Variants in CFAP44 observed in about 807,000 individuals in gnomAD.
The protein encoded by CFAP44 is cilia and flagella associated protein 44.
In CFAP44, 134 loss-of-function variants were observed where a neutral mutation model predicts 216.2. That is an observed-to-expected ratio of 0.62 (90% confidence interval 0.54 to 0.72). The LOEUF is 0.72. Among genes scored for constraint, CFAP44 ranks in the 30% least tolerant of loss-of-function variants. CFAP44 has a pLI of 0.00. For missense variants in CFAP44, 2,035 were observed against 2,182.1 expected, an observed-to-expected ratio of 0.93 and a Z score of 1.34; for synonymous variants, 700 against 727.6, an observed-to-expected ratio of 0.96 and a Z score of 0.61.
intron 6 of CFAP44, among the ~76,000 whole-genome samples, chr3:113,411,730 G>A (rs1377021361): frequency 6.6e-6 from 1 of 152,114 alleles, no homozygotes; most frequent in Non-Finnish European, 1.5e-5. Flanking sequence ...AATTACCTTG[G>A]GCAGTATGGC....
chr3:113,394,634 A>G (rs1306238350), intron 15 of CFAP44, among the ~76,000 whole-genome samples: 2 of 152,098 alleles, frequency 1.3e-5, no homozygotes, highest in Admixed American at 6.5e-5. Context: ...GGGGTGTCCA[A>G]TCTTTTTGCT....
intron 22 of CFAP44, among the ~76,000 whole-genome samples, chr3:113,355,587 A>G (rs987255013): frequency 2.0e-5 from 3 of 152,190 alleles, no homozygotes; most frequent in Non-Finnish European, 4.4e-5. Context: ...TGAAGCTGGA[A>G]ACCATCATTC....
intron 3 of CFAP44, chr3:113,426,963 C>A: frequency 2.0e-6 from 1 of 497,778 alleles, no homozygotes. Flanking sequence ...TCTTAAAACC[C>A]AGAAGAATGA....
intron 6 of CFAP44, among the ~76,000 whole-genome samples, chr3:113,414,469 C>T (rs1052336058): frequency 2.0e-5 from 3 of 152,098 alleles, no homozygotes; most frequent in Admixed American, 2.0e-4. Context: ...CAACTTTTGC[C>T]CATTCAATAT....
chr3:113,306,455 T>A, intron 29 of CFAP44, 124 bp from the exon 30 acceptor site: 1 of 1,148,332 alleles, frequency 8.7e-7, no homozygotes, highest in Non-Finnish European at 1.2e-6. Context: ...AGCCAGCTTT[T>A]AAGACACTTA....
chr3:113,401,927 A>G (rs1315788550), intron 9 of CFAP44, among the ~76,000 whole-genome samples, 188 bp from the exon 10 acceptor site: 1 of 152,196 alleles, frequency 6.6e-6, no homozygotes, highest in Non-Finnish European at 1.5e-5. Context: ...GAACTGAGGT[A>G]TGATAAGCTA....
chr3:113,287,158 G>A lies in CFAP44; in HGVS notation c.*4399C>T, dbSNP rs1163976713. On this transcript the variant is annotated 3_prime_UTR_variant, in exon 35 of 35. Coordinates refer to ENST00000393845, the MANE Select transcript of CFAP44 (RefSeq NM_001164496.2). ...ACCTGGGGCCTCTGCAGTGGCAGGCGAGGCTGCAGGAGGCCCACAGATAAG... is the reference window on the plus strand; with the variant it reads ...ACCTGGGGCCTCTGCAGTGGCAGGCAAGGCTGCAGGAGGCCCACAGATAAG... The A allele has an allele frequency of 2.1e-5, 9 of 429,176 alleles. No homozygotes were observed. Among genetic ancestry groups the A allele is most frequent in the South Asian group, 1.0e-4 (6 of 57,790 alleles). The allele number at this position is 429,176 out of a possible 1,614,324, so 26.6% of individuals were successfully genotyped here.
chr3:113,387,481 T>C (rs549681480), intron 15 of CFAP44, among the ~76,000 whole-genome samples: 4 of 152,246 alleles, frequency 2.6e-5, no homozygotes, highest in African/African-American at 9.6e-5. Context: ...GACTCAATCC[T>C]GGCAGGATTC....
At position 113,288,481 on chromosome 3, in the gene CFAP44, A is replaced by G. The variant is rs752342860; in HGVS notation, c.*3076T>C. The G allele has an allele frequency of 6.6e-6, 1 of 152,234 alleles. No individual in the cohort carries two copies. The highest frequency in any genetic ancestry group is 6.5e-5 in the Admixed American group (1 of 15,278). 9.4% of individuals were successfully genotyped at this position (152,234 alleles called of 1,614,324 possible). A position where few individuals can be genotyped will look rare whatever the true frequency, so the allele number is the denominator to read the frequency against. On this transcript the variant is annotated 3_prime_UTR_variant, in exon 35 of 35. Transcript: ENST00000393845. ...AAAATAAGATACTGTGATTTCAGAC[A>G]ACCTGGCATCACGGCCCAGAGCTCA...
At chr3:113,431,345 C>A (rs1935100992) in intron 2 of CFAP44, among the ~76,000 whole-genome samples, 1 of 152,066 alleles carries the variant, frequency 6.6e-6, no homozygotes, top group Non-Finnish European at 1.5e-5. Flanking sequence ...CTGCGCCTAA[C>A]AGCATCTGAC....
At chr3:113,397,798 G>T (rs1934028832) in intron 13 of CFAP44, among the ~76,000 whole-genome samples, 1 of 152,268 alleles carries the variant, frequency 6.6e-6, no homozygotes, top group Non-Finnish European at 1.5e-5. Flanking sequence ...AGCCAGGTGT[G>T]TGTGTGGTTT....
chr3:113,416,490 G>C (rs1363128856), intron 6 of CFAP44, 35 bp downstream of exon 6: 1 of 1,483,566 alleles, frequency 6.7e-7, no homozygotes, highest in Non-Finnish European at 9.3e-7. Context: ...TGTTATCCTT[G>C]AACATGAAAT....
chr3:113,401,619 T>A lies in CFAP44; in HGVS notation c.1291A>T (p.Met431Leu). The A allele has an allele frequency of 3.1e-6, 5 of 1,613,478 alleles. No individual in the cohort carries two copies. Among genetic ancestry groups the A allele is most frequent in the Non-Finnish European group, 4.2e-6 (5 of 1,179,692 alleles). ...KNVNLFSMIK[M>L]NETGNNFWLA... The stretch of plus-strand genomic sequence containing the variant: ...CAAAAGTTATTTCCAGTTTCATTCA[T>A]TTTTATCATAGAGAAGAGATTCACA... The change falls in exon 10 of 35, where the codon ATG (methionine) becomes TTG (leucine). Residue 431 changes from methionine to leucine, a missense_variant. Around this residue, in one of 3 missense-constraint regions of CFAP44, gnomAD observed 1,883 missense variants for 2,023.7 expected, o/e 0.93. Transcript: ENST00000393845.
At chr3:113,305,703 A>G (rs1231551135) in intron 30 of CFAP44, among the ~76,000 whole-genome samples, 1 of 152,166 alleles carries the variant, frequency 6.6e-6, no homozygotes, top group Non-Finnish European at 1.5e-5. Context: ...AAGAGTACCT[A>G]AGAGGGAAAG....
chr3:113,406,759 G>A (rs928738350), intron 8 of CFAP44, among the ~76,000 whole-genome samples, 168 bp downstream of exon 8: 4 of 152,020 alleles, frequency 2.6e-5, no homozygotes, highest in African/African-American at 9.7e-5. Flanking sequence ...CAATTTCAGG[G>A]AAATATTTTA....
At chr3:113,340,468 G>C (rs1240447699) in intron 24 of CFAP44, among the ~76,000 whole-genome samples, 1 of 152,178 alleles carries the variant, frequency 6.6e-6, no homozygotes, top group Admixed American at 6.5e-5. Flanking sequence ...TTTCGAAAGA[G>C]AGGCAGACCC....
intron 18 of CFAP44, among the ~76,000 whole-genome samples, chr3:113,369,490 A>G (rs915731558): frequency 6.6e-6 from 1 of 152,244 alleles, no homozygotes; most frequent in Non-Finnish European, 1.5e-5. Flanking sequence ...TGGGTAAATA[A>G]CAAAATGAAG....
intron 15 of CFAP44, among the ~76,000 whole-genome samples, chr3:113,383,804 GGTTT>G (rs1406889705): frequency 6.6e-6 from 1 of 152,082 alleles, no homozygotes; most frequent in Non-Finnish European, 1.5e-5. Flanking sequence ...AGAACGTGCA[GGTTT>G]GTTACATAGG....
At chr3:113,389,332 T>A (rs1396980256) in intron 15 of CFAP44, among the ~76,000 whole-genome samples, 1 of 152,016 alleles carries the variant, frequency 6.6e-6, no homozygotes, top group Non-Finnish European at 1.5e-5. Context: ...CAAATGACAG[T>A]AGAAACACAA....
Sources: allele counts gnomAD v4.1 joint callset (sites outside exome capture counted in the v4.1 genomes callset), GRCh38; gene constraint gnomAD v4.1.1; regional missense constraint gnomAD v4.1.1; transcripts MANE v1.5; gene names NCBI Gene and HGNC (gene_info 2026-07-23, HGNC 2026-07-21).